THSD7A: variants seen among roughly 807,000 people sequenced by gnomAD.
THSD7A encodes the protein thrombospondin type 1 domain containing 7A.
THSD7A carries 96 observed loss-of-function variants against 231.3 expected under a neutral mutation model. The observed-to-expected ratio is 0.41, with a 90% CI of 0.35 to 0.49. The LOEUF (loss-of-function observed/expected upper bound fraction) is 0.49. Ranked by LOEUF, THSD7A falls within the 20% of genes least tolerant of loss-of-function variation. THSD7A has a pLI of 0.05. For missense variants in THSD7A, 2,290 were observed against 2,070.2 expected, an observed-to-expected ratio of 1.11 and a Z score of -2.06; for synonymous variants, 940 against 743.3, an observed-to-expected ratio of 1.26 and a Z score of -4.30.
At chr7:11,549,581 TGGAATACTATGTAGCCATTAAAA>T (rs1379289073) in intron 4 of THSD7A, among the ~76,000 whole-genome samples, 4 of 152,156 alleles carry the variant, frequency 2.6e-5, no homozygotes, top group Non-Finnish European at 5.9e-5. Context: ...GTATACATTA[TGGAATACTATGTAGCCATTAAAA>T]GGAATGAGAT....
At chr7:11,681,634 T>C (rs77557854) in intron 1 of THSD7A, among the ~76,000 whole-genome samples, 16,342 of 151,950 alleles carry the variant, frequency 0.11, 1,105 homozygotes, top group Non-Finnish European at 0.16. Context: ...AACCTACGAC[T>C]CACTGACATT....
intron 1 of THSD7A, among the ~76,000 whole-genome samples, chr7:11,767,531 C>A (rs888073495): frequency 2.6e-5 from 4 of 152,144 alleles, no homozygotes; most frequent in African/African-American, 9.7e-5. Context: ...AACTGTAACC[C>A]TGCTACAACA....
chr7:11,513,014 T>G (rs1012047040), intron 6 of THSD7A, among the ~76,000 whole-genome samples: 1 of 145,026 alleles, frequency 6.9e-6, no homozygotes, highest in African/African-American at 2.6e-5. Context: ...TGCCATGACC[T>G]GGATGAGATT....
At chr7:11,635,724 T>A (rs1222340125) in intron 2 of THSD7A, among the ~76,000 whole-genome samples, 2 of 152,200 alleles carry the variant, frequency 1.3e-5, no homozygotes, top group Non-Finnish European at 2.9e-5. Flanking sequence ...CTGAAAATGC[T>A]GTCTTGGAGA....
At chr7:11,641,024 G>A (rs1381373412) in intron 1 of THSD7A, among the ~76,000 whole-genome samples, 1 of 152,064 alleles carries the variant, frequency 6.6e-6, no homozygotes, top group Non-Finnish European at 1.5e-5. Flanking sequence ...GTTAGTCAGT[G>A]AAAATAGTTT....
intron 2 of THSD7A, among the ~76,000 whole-genome samples, chr7:11,628,547 G>A (rs550252989): frequency 2.0e-5 from 3 of 146,624 alleles, no homozygotes; most frequent in Non-Finnish European, 4.4e-5. Flanking sequence ...TTATCTGCAC[G>A]CACTTTCTCT....
intron 1 of THSD7A, among the ~76,000 whole-genome samples, chr7:11,736,809 C>A (rs1484149073): frequency 2.0e-5 from 3 of 151,980 alleles, no homozygotes; most frequent in Non-Finnish European, 2.9e-5. Context: ...ACCATGGCCC[C>A]ACCCAAATCT....
rs1243932871 is a variant in THSD7A at position 11,821,647 on chromosome 7, T to C, written c.190+10110A>G. The stretch of plus-strand genomic sequence containing the variant: ...AGTTTTATCAGTCTTGCATAGCTTT[T>C]CCTGAATCTACTAATGTGACTCCTT... On this transcript the variant is annotated intron_variant, in intron 1 of 27. Transcript: ENST00000423059. 2.0e-5 allele frequency among the ~76,000 whole-genome samples: 3 copies of C among 152,302 alleles called. No homozygotes were observed. The East Asian group carries it at 5.8e-4, about 29-fold the overall frequency.
At chr7:11,597,116 C>T (rs774282427) in intron 2 of THSD7A, among the ~76,000 whole-genome samples, 3 of 152,192 alleles carry the variant, frequency 2.0e-5, no homozygotes, top group Non-Finnish European at 2.9e-5. Flanking sequence ...AGCAAACACA[C>T]TAGACTTATT....
intron 11 of THSD7A, among the ~76,000 whole-genome samples, chr7:11,457,107 G>A (rs1034230509): frequency 6.6e-6 from 1 of 151,938 alleles, no homozygotes; most frequent in Non-Finnish European, 1.5e-5. Context: ...TATAATAAAA[G>A]TTGCATTTTA....
chr7:11,743,014 C>G (rs1782163605), intron 1 of THSD7A, among the ~76,000 whole-genome samples: 1 of 151,858 alleles, frequency 6.6e-6, no homozygotes, highest in African/African-American at 2.4e-5. Flanking sequence ...AAGAAATCTG[C>G]TACTACATCA....
intron 6 of THSD7A, among the ~76,000 whole-genome samples, chr7:11,502,516 C>T (rs1286108048): frequency 6.6e-6 from 1 of 152,074 alleles, no homozygotes; most frequent in African/African-American, 2.4e-5. Context: ...ATCATATAAA[C>T]AGAACTAAAG....
At chr7:11,449,563 G>C (rs914374289) in intron 11 of THSD7A, among the ~76,000 whole-genome samples, 1 of 152,028 alleles carries the variant, frequency 6.6e-6, no homozygotes, top group African/African-American at 2.4e-5. Flanking sequence ...TGAACTGAAA[G>C]AGCTCTAAGC....
chr7:11,811,957 A>G (rs1320759696), intron 1 of THSD7A, among the ~76,000 whole-genome samples: 2 of 152,196 alleles, frequency 1.3e-5, no homozygotes, highest in Non-Finnish European at 2.9e-5. Context: ...CTTTCCTGAA[A>G]TTAAAAGTAT....
chr7:11,762,453 A>G lies in THSD7A; in HGVS notation c.190+69304T>C, dbSNP rs1246911377. The stretch of plus-strand genomic sequence containing the variant: ...TCTGACTGGTATGAGATGGTATCTT[A>G]TGGCTTTAATTTGCATTTATCTGCT... On this transcript the variant is annotated intron_variant, in intron 1 of 27. Transcript: ENST00000423059. Among the ~76,000 whole-genome samples the G allele has an allele frequency of 2.6e-5, 4 of 152,202 alleles. No homozygotes were observed. In the East Asian group the frequency reaches 7.7e-4, roughly 29 times the overall value.
chr7:11,696,283 G>A (rs1470872593), intron 1 of THSD7A, among the ~76,000 whole-genome samples: 3 of 151,434 alleles, frequency 2.0e-5, no homozygotes. Flanking sequence ...TGGATAATAT[G>A]TGGTTTTAAA....
In THSD7A at chr7:11,370,425, A is replaced by T. The variant is rs1363235097; in HGVS notation, c.*5369T>A. 1.3e-5 allele frequency: 2 copies of T among 152,330 alleles called. No individual in the cohort carries two copies. The highest frequency in any genetic ancestry group is 2.1e-4 in the South Asian group (1 of 4,832). The allele number at this position is 152,330 out of a possible 1,614,324, so 9.4% of individuals were successfully genotyped here. A position where few individuals can be genotyped will look rare whatever the true frequency, so the allele number is the denominator to read the frequency against. The stretch of plus-strand genomic sequence containing the variant: ...GCAATTGGTGCAAATCAAAACACAG[A>T]TACACATGATTAGAATGAAAATGAT... On this transcript the variant is annotated 3_prime_UTR_variant, in exon 28 of 28. Coordinates refer to ENST00000423059, the MANE Select transcript of THSD7A (RefSeq NM_015204.3).
intron 4 of THSD7A, among the ~76,000 whole-genome samples, chr7:11,568,064 CTATCGT>C (rs1352320297): frequency 1.3e-5 from 2 of 152,054 alleles, no homozygotes; most frequent in Non-Finnish European, 2.9e-5. Flanking sequence ...TGTTATTTTC[CTATCGT>C]TATTCTTTCG....
chr7:11,427,689 T>C (rs1784364646), intron 14 of THSD7A, among the ~76,000 whole-genome samples: 1 of 152,206 alleles, frequency 6.6e-6, no homozygotes, highest in Non-Finnish European at 1.5e-5. Flanking sequence ...TACTGAAAAT[T>C]CAAGGTTTCA....
Sources: allele counts gnomAD v4.1 joint callset (sites outside exome capture counted in the v4.1 genomes callset), GRCh38; gene constraint gnomAD v4.1.1; transcripts MANE v1.5; gene names NCBI Gene and HGNC (gene_info 2026-07-23, HGNC 2026-07-21).